The following PRRC2C variants were observed in gnomAD, a reference collection of about 807,000 sequenced individuals.
PRRC2C encodes the protein protein PRRC2C.
A neutral mutation model predicts 317.2 loss-of-function variants in PRRC2C; 72 were observed. The observed-to-expected ratio is 0.23, with a 90% CI of 0.19 to 0.28. The LOEUF is 0.28. Among genes scored for constraint, PRRC2C ranks in the 10% least tolerant of loss-of-function variants. PRRC2C has a pLI of 1.00. For missense variants in PRRC2C, 3,074 were observed against 3,459.7 expected (o/e 0.89, Z 2.80); for synonymous variants, 1,296 against 1,205.9 (o/e 1.07, Z -1.55).
chr1:171,588,842 G>A (rs1050374845), intron 33 of PRRC2C, among the ~76,000 whole-genome samples: 4 of 152,034 alleles, frequency 2.6e-5, no homozygotes, highest in African/African-American at 9.7e-5. Flanking sequence ...GTTGTTTTTT[G>A]TTGTTGTTAA....
Position 171,541,805 on chromosome 1 carries a change from G to C in PRRC2C, c.4339G>C (p.Ala1447Pro), listed in dbSNP as rs1382861652. The C allele has an allele frequency of 6.2e-7, 1 of 1,613,806 alleles. No homozygotes were observed. Among genetic ancestry groups the C allele is most frequent in the Non-Finnish European group, 8.5e-7 (1 of 1,179,884 alleles). ...ATTTAGACGGCTAAGAGAGAGGGAG[G>C]CTGCTTCAAAATCAAATGAGGTGGT... ...PRFRRLRERE[A>P]ASKSNEVVAV... The change falls in exon 16 of 35, where the codon GCT becomes CCT. Residue 1447 changes from alanine (A) to proline (P), a missense_variant. Around this residue, in one of 11 missense-constraint regions of PRRC2C, gnomAD observed 1,320 missense variants for 1,395.7 expected, o/e 0.95. Coordinates refer to ENST00000647382, the MANE Select transcript of PRRC2C (RefSeq NM_001387844.1). The surrounding 1 kb of genome is among the most constrained non-coding windows in gnomAD (Gnocchi z 4.1).
At chr1:171,493,483 A>G (rs1557852356) in intron 1 of PRRC2C, among the ~76,000 whole-genome samples, 1 of 152,148 alleles carries the variant, frequency 6.6e-6, no homozygotes, top group Non-Finnish European at 1.5e-5. Flanking sequence ...ACAGAGTAAA[A>G]CTGTTGAAAA....
chr1:171,485,908 C>T (rs1434927594), intron 1 of PRRC2C, among the ~76,000 whole-genome samples, 173 bp downstream of exon 1: 1 of 152,108 alleles, frequency 6.6e-6, no homozygotes, highest in Non-Finnish European at 1.5e-5. Flanking sequence ...ACCATCATCT[C>T]TGTGTCTGGG....
intron 25 of PRRC2C, 124 bp downstream of exon 25, chr1:171,575,252 C>A: frequency 1.0e-6 from 1 of 980,002 alleles, no homozygotes; most frequent in Non-Finnish European, 1.5e-6. Flanking sequence ...ACCTCAGCCT[C>A]CCAAAGTGCT....
chr1:171,585,015 G>A (rs574189360), intron 30 of PRRC2C, among the ~76,000 whole-genome samples: 15 of 152,216 alleles, frequency 9.9e-5, no homozygotes, highest in African/African-American at 3.1e-4. Context: ...GGTTTCAAGC[G>A]ATCTGCCTGC....
chr1:171,516,340 GTCT>G (rs1672359045), intron 5 of PRRC2C, among the ~76,000 whole-genome samples: 1 of 152,122 alleles, frequency 6.6e-6, no homozygotes, highest in Non-Finnish European at 1.5e-5. Context: ...ATTTTTAAAT[GTCT>G]TCTTAATTGT....
intron 1 of PRRC2C, among the ~76,000 whole-genome samples, chr1:171,489,066 C>T (rs562242470): frequency 1.3e-5 from 2 of 152,160 alleles, no homozygotes; most frequent in Non-Finnish European, 2.9e-5. Context: ...AGACTGTTTC[C>T]ATGTCCTCAT....
At chr1:171,527,075 G>A (rs1364231580) in intron 10 of PRRC2C, among the ~76,000 whole-genome samples, 1 of 151,504 alleles carries the variant, frequency 6.6e-6, no homozygotes, top group Admixed American at 6.6e-5. Context: ...CGAAGTGCTA[G>A]GCTCACAGGC....
chr1:171,557,886 A>C lies in PRRC2C; in HGVS notation c.5774A>C (p.Asn1925Thr). 1 of 1,546,364 alleles carries C rather than the reference A, an allele frequency of 6.5e-7. No homozygotes were observed. Residue 1925 changes from asparagine (N) to threonine (T), a missense_variant, in exon 19 of 35, where the codon AAT (asparagine) becomes ACT (threonine). Around this residue, in one of 11 missense-constraint regions of PRRC2C, gnomAD observed 640 missense variants for 676.1 expected, o/e 0.95. Coordinates refer to ENST00000647382, the MANE Select transcript of PRRC2C (RefSeq NM_001387844.1). ...APAPTPVSAPNPAPPAPAQTQ... is the reference protein window; with the variant it reads ...APAPTPVSAPTPAPPAPAQTQ... The stretch of plus-strand genomic sequence containing the variant: ...GCCCCTACCCCAGTCTCAGCCCCAA[A>C]TCCTGCCCCACCTGCCCCAGCCCAG...
At chr1:171,587,505 AT>A in intron 31 of PRRC2C, 142 bp from the exon 32 acceptor site, 1 of 638,330 alleles carries the variant, frequency 1.6e-6, no homozygotes, top group South Asian at 2.1e-5. Context: ...TAATTCCATA[AT>A]ACTTGAAGCC....
intron 19 of PRRC2C, among the ~76,000 whole-genome samples, 185 bp downstream of exon 19, chr1:171,558,328 A>G: frequency 6.6e-6 from 1 of 151,710 alleles, no homozygotes; most frequent in East Asian, 1.9e-4. Flanking sequence ...CAAGCATATT[A>G]TATTTTATGG....
intron 18 of PRRC2C, among the ~76,000 whole-genome samples, chr1:171,553,744 G>C (rs960372857): frequency 3.3e-5 from 5 of 152,192 alleles, no homozygotes; most frequent in African/African-American, 9.7e-5. Flanking sequence ...TCATTTAGGA[G>C]CAGGTTGTTC....
At chr1:171,528,286 ATTT>A (rs60053076) in intron 11 of PRRC2C, among the ~76,000 whole-genome samples, 2 of 135,758 alleles carry the variant, frequency 1.5e-5, no homozygotes, top group Non-Finnish European at 1.6e-5. Flanking sequence ...CATCAGTGAA[ATTT>A]TTTTTTTTTT....
intron 20 of PRRC2C, among the ~76,000 whole-genome samples, chr1:171,564,542 G>A (rs1448096629): frequency 6.6e-6 from 1 of 152,096 alleles, no homozygotes; most frequent in African/African-American, 2.4e-5. Flanking sequence ...ATTCTAATGT[G>A]CATCAGTATT....
chr1:171,519,403 A>G (rs889226895), intron 6 of PRRC2C, among the ~76,000 whole-genome samples: 2 of 152,176 alleles, frequency 1.3e-5, no homozygotes, highest in African/African-American at 2.4e-5. Flanking sequence ...AGATTGGTTC[A>G]TATTTCTTTT....
Position 171,579,372 on chromosome 1 carries a change from A to G in PRRC2C, c.7178A>G (p.Tyr2393Cys). 1 of 1,613,832 alleles carries G rather than the reference A, an allele frequency of 6.2e-7. No individual in the cohort carries two copies. The highest frequency in any genetic ancestry group is 8.5e-7 in the Non-Finnish European group (1 of 1,179,808). The change falls in exon 27 of 35, where the codon TAT becomes TGT. Residue 2393 changes from tyrosine to cysteine, a missense_variant. This residue lies in a region of PRRC2C where 490 missense variants were observed against 663.1 expected (regional missense o/e 0.74). Transcript: ENST00000647382. ...TCTACAGCTCAAATCCCAGCCTTCT[A>G]TATGGACACAAGTCATTTATTCAAT... ...QSAAAQIPAF[Y>C]MDTSHLFNTQ...
chr1:171,581,174 T>C (rs1231803114), intron 28 of PRRC2C, among the ~76,000 whole-genome samples: 2 of 152,220 alleles, frequency 1.3e-5, no homozygotes, highest in African/African-American at 4.8e-5. Flanking sequence ...CGTTATTTTC[T>C]CCCGTTAGAA....
intron 34 of PRRC2C, among the ~76,000 whole-genome samples, 191 bp downstream of exon 34, chr1:171,589,796 CTTTTT>C (rs1650961327): frequency 7.1e-6 from 1 of 140,238 alleles, no homozygotes; most frequent in Admixed American, 7.1e-5. Flanking sequence ...TCTTTTTTTT[CTTTTT>C]GTTTCTTTTT....
chr1:171,538,524 C>T (rs1677286359), intron 15 of PRRC2C, among the ~76,000 whole-genome samples: 1 of 151,884 alleles, frequency 6.6e-6, no homozygotes. Context: ...CTTTTATGGG[C>T]TATATTTTTT....
Sources: allele counts gnomAD v4.1 joint callset (sites outside exome capture counted in the v4.1 genomes callset), GRCh38; gene constraint gnomAD v4.1.1; regional missense constraint gnomAD v4.1.1; non-coding constraint Gnocchi (gnomAD v3.1); transcripts MANE v1.5; gene names NCBI Gene and HGNC (gene_info 2026-07-23, HGNC 2026-07-21).